Variants in BIRC6 observed in about 807,000 individuals in gnomAD.
BIRC6 encodes dual E2 ubiquitin-conjugating enzyme/E3 ubiquitin-protein ligase BIRC6.
In BIRC6, 98 loss-of-function variants were observed where a neutral mutation model predicts 503.3. The ratio of observed to expected loss-of-function variants is 0.19; its 90% CI spans 0.17 to 0.23. BIRC6 has a LOEUF of 0.23. Among genes scored for constraint, BIRC6 ranks in the 10% least tolerant of loss-of-function variants. The probability of loss-of-function intolerance (pLI) is 1.00; values close to 1 mark genes in which losing one functional copy is unlikely to be tolerated. For synonymous variants in BIRC6, 2,240 were observed against 2,078.7 expected (o/e 1.08, Z -2.11); for missense variants, 5,360 against 5,806.0 (o/e 0.92, Z 2.50).
chr2:32,472,891 C>G, intron 32 of BIRC6: 1 of 364,724 alleles, frequency 2.7e-6, no homozygotes, highest in South Asian at 5.0e-5. Flanking sequence ...ACAGAGGGAA[C>G]TCTGGTTTTA....
At chr2:32,561,362 G>T (rs941601299) in intron 65 of BIRC6, among the ~76,000 whole-genome samples, 3 of 151,542 alleles carry the variant, frequency 2.0e-5, no homozygotes, top group African/African-American at 7.3e-5. Flanking sequence ...CTGCCTCAGC[G>T]ACCTGAGTAG....
In BIRC6 at chr2:32,572,378, C is replaced by T. The variant is rs115340606; in HGVS notation, c.13145-2778C>T. On this transcript the variant is annotated intron_variant, in intron 65 of 73. Transcript: ENST00000421745. ...ATGTTATTGTTTGATTATGGTATTA[C>T]TGGTAGATCATTTCCAGCTTTCCCT... Among the ~76,000 whole-genome samples the T allele has an allele frequency of 8.8e-3, 1,334 of 152,256 alleles. 9 individuals carry two copies. The highest frequency in any genetic ancestry group is 0.02 in the Middle Eastern group (6 of 294).
At chr2:32,529,541 T>G in intron 59 of BIRC6, 110 bp from the exon 60 acceptor site, 1 of 1,002,344 alleles carries the variant, frequency 1.0e-6, no homozygotes. Context: ...GTTTTGAAAT[T>G]GGTTTCAGAA....
Position 32,618,025 on chromosome 2 carries a change from T to C in BIRC6, c.*121T>C. ...ATGAAACTGAAACTATACTATGCCC[T>C]TAAGGAGATCCAGTTTAATTCAAGG... is the stretch of plus-strand genomic sequence containing the variant. On this transcript the variant is annotated 3_prime_UTR_variant, in exon 74 of 74. Coordinates refer to ENST00000421745, the MANE Select transcript of BIRC6 (RefSeq NM_016252.4). 2 of 952,846 alleles carry C rather than the reference T, an allele frequency of 2.1e-6. No homozygotes were observed. The highest frequency in any genetic ancestry group is 3.0e-6 in the Non-Finnish European group (2 of 663,716). 59.0% of individuals were successfully genotyped at this position (952,846 alleles called of 1,614,324 possible).
chr2:32,363,981 A>G (rs1367526041), intron 1 of BIRC6, among the ~76,000 whole-genome samples: 28 of 152,262 alleles, frequency 1.8e-4, no homozygotes, highest in Admixed American at 1.6e-3. Context: ...ACAAATATAC[A>G]GTAATCTGTG....
chr2:32,530,094 TAA>T (rs1278987572), intron 60 of BIRC6, among the ~76,000 whole-genome samples: 1 of 152,218 alleles, frequency 6.6e-6, no homozygotes, highest in African/African-American at 2.4e-5. Flanking sequence ...CATTTTATAA[TAA>T]AAGTGAGAAA....
chr2:32,472,609 CAAAT>C (rs1195986552), intron 32 of BIRC6, among the ~76,000 whole-genome samples: 3 of 151,886 alleles, frequency 2.0e-5, no homozygotes, highest in African/African-American at 4.8e-5. Flanking sequence ...TTATTGGGCC[CAAAT>C]TGAATGAAAC....
chr2:32,531,197 G>T (rs866159642), intron 60 of BIRC6, among the ~76,000 whole-genome samples, 158 bp from the exon 61 acceptor site: 4 of 152,146 alleles, frequency 2.6e-5, no homozygotes, highest in African/African-American at 4.8e-5. Flanking sequence ...AAAGGTCATT[G>T]TACCGTCTAG....
intron 8 of BIRC6, among the ~76,000 whole-genome samples, chr2:32,403,290 A>G (rs569877303): frequency 6.6e-6 from 1 of 152,340 alleles, no homozygotes; most frequent in Admixed American, 6.5e-5. Context: ...TATAAAATAT[A>G]CTATGTGGGT....
chr2:32,596,491 C>A (rs902689956), intron 68 of BIRC6, among the ~76,000 whole-genome samples: 7 of 141,804 alleles, frequency 4.9e-5, no homozygotes, highest in Non-Finnish European at 7.7e-5. Flanking sequence ...AAAAAAAAAT[C>A]ATGACCTTTA....
intron 61 of BIRC6, among the ~76,000 whole-genome samples, chr2:32,539,816 TTAAATA>T (rs912009916): frequency 1.3e-5 from 2 of 152,010 alleles, no homozygotes; most frequent in African/African-American, 2.4e-5. Context: ...CCAGAATCAA[TTAAATA>T]TAAAACAAAA....
intron 44 of BIRC6, among the ~76,000 whole-genome samples, chr2:32,492,003 T>C (rs1469464382): frequency 6.6e-6 from 1 of 152,170 alleles, no homozygotes; most frequent in Non-Finnish European, 1.5e-5. Flanking sequence ...AAACATTTTC[T>C]GTTTCACTGT....
chr2:32,505,332 G>A, intron 50 of BIRC6, 127 bp downstream of exon 50: 1 of 741,170 alleles, frequency 1.3e-6, no homozygotes, highest in Non-Finnish European at 2.1e-6. Flanking sequence ...CTTCTGAACA[G>A]TTTTTATTGA....
chr2:32,609,219 A>G (rs1378093349), intron 72 of BIRC6, among the ~76,000 whole-genome samples: 2 of 151,950 alleles, frequency 1.3e-5, no homozygotes, highest in Non-Finnish European at 2.9e-5. Flanking sequence ...ATTGGATGAT[A>G]TGAGTTTCCA....
intron 10 of BIRC6, among the ~76,000 whole-genome samples, chr2:32,428,611 T>G (rs1001018618): frequency 6.6e-6 from 1 of 152,254 alleles, no homozygotes; most frequent in Non-Finnish European, 1.5e-5. Flanking sequence ...GAATATACTA[T>G]TACCCATTAA....
intron 57 of BIRC6, chr2:32,523,398 CTTTGTGTGCTTTTCTTACCTGA>C: frequency 6.6e-6 from 1 of 152,070 alleles, no homozygotes; most frequent in East Asian, 1.9e-4. Context: ...ACCTAATATT[CTTTGTGTGCTTTTCTTACCTGA>C]TTATGCTATG....
intron 4 of BIRC6, among the ~76,000 whole-genome samples, chr2:32,389,191 C>T (rs931241545): frequency 6.6e-6 from 1 of 151,882 alleles, no homozygotes; most frequent in African/African-American, 2.4e-5. Flanking sequence ...GATTATAAAG[C>T]CACATTTTGG....
Position 32,414,984 on chromosome 2 carries a change from C to A in BIRC6, c.1693C>A (p.Pro565Thr). 1.2e-6 allele frequency: 2 copies of A among 1,613,870 alleles called. No individual in the cohort carries two copies. Among genetic ancestry groups the A allele is most frequent in the South Asian group, 2.2e-5 (2 of 91,050 alleles). Residue 565 changes from proline (P) to threonine (T), a missense_variant, in exon 10 of 74, where the codon CCA becomes ACA. Physicochemically the swap from Pro to Thr is conservative, Grantham distance 38 (BLOSUM62 -1). Coordinates refer to ENST00000421745, the MANE Select transcript of BIRC6 (RefSeq NM_016252.4). ...CCAGGAGCAACACAACATTCCTTTT[C>A]CATGTTTATTAGCTGGAGGTTTATT... ...KHQEQHNIPF[P>T]CLLAGGLLTY...
intron 35 of BIRC6, 57 bp downstream of exon 35, chr2:32,477,640 TG>T (rs1558839708): frequency 3.6e-6 from 5 of 1,383,968 alleles, no homozygotes; most frequent in Non-Finnish European, 1.0e-6. Flanking sequence ...GGCTCATGCC[TG>T]TAATCCCAGC....
Sources: gnomAD v4.1 joint callset for allele counts (sites outside exome capture counted in the v4.1 genomes callset) on GRCh38, gnomAD v4.1.1 for gene constraint, MANE v1.5 for transcripts, NCBI Gene and HGNC (gene_info 2026-07-23, HGNC 2026-07-21) for gene names.